The following TENM3 variants were observed in gnomAD, a reference collection of about 807,000 sequenced individuals.
The protein encoded by TENM3 is teneurin transmembrane protein 3.
Under a neutral mutation model 255.1 loss-of-function variants are expected in TENM3, and 63 were observed. The observed-to-expected ratio is 0.25, with a 90% CI of 0.20 to 0.30. The LOEUF is 0.30. Ranked by LOEUF, TENM3 falls within the 10% of genes least tolerant of loss-of-function variation. TENM3 has a pLI of 1.00. For synonymous variants in TENM3, 1,306 were observed against 1,322.3 expected, an observed-to-expected ratio of 0.99 and a Z score of 0.27; for missense variants, 2,929 against 3,461.1, an observed-to-expected ratio of 0.85 and a Z score of 3.86.
the TENM3 span, among the ~76,000 whole-genome samples, chr4:181,751,769 G>A: frequency 5.9e-5 from 9 of 152,208 alleles, no homozygotes; most frequent in African/African-American, 1.2e-4. Context: ...TTTTTTCCAC[G>A]TAAATTAGTT....
chr4:182,109,288 A>G, the TENM3 span, among the ~76,000 whole-genome samples: 18 of 149,140 alleles, frequency 1.2e-4, no homozygotes, highest in African/African-American at 4.4e-4. Flanking sequence ...CATATAGTAT[A>G]ATATATATGC....
chr4:182,689,116 G>A (rs749072375), intron 12 of TENM3, among the ~76,000 whole-genome samples: 2 of 152,156 alleles, frequency 1.3e-5, no homozygotes, highest in Non-Finnish European at 2.9e-5. Context: ...AATTTTAAAA[G>A]TACAACAAAA....
At chr4:182,780,771 C>T (rs556362672) in intron 24 of TENM3, among the ~76,000 whole-genome samples, 6 of 152,124 alleles carry the variant, frequency 3.9e-5, no homozygotes, top group South Asian at 2.1e-4. Context: ...AAGTCCTTCA[C>T]ATCCCTTGTA....
At chr4:181,879,180 C>T in the TENM3 span, among the ~76,000 whole-genome samples, 2 of 152,092 alleles carry the variant, frequency 1.3e-5, no homozygotes, top group Admixed American at 1.3e-4. Flanking sequence ...CAGAAATCAA[C>T]ACTGTCAAGT....
chr4:182,557,493 A>G lies in TENM3; in HGVS notation c.512-43431A>G, dbSNP rs76372749. On this transcript the variant is annotated intron_variant, in intron 3 of 27. Transcript: ENST00000511685. Reference sequence around the variant, plus strand: ...CATTTTAAAAAAGGACAGGGGCCTTATTTGAGCTAACAGATGAGCCCTCAT... The same window carrying G: ...CATTTTAAAAAAGGACAGGGGCCTTGTTTGAGCTAACAGATGAGCCCTCAT... Among the ~76,000 whole-genome samples, 132 of 152,310 alleles carry G rather than the reference A, an allele frequency of 8.7e-4. 2 individuals carry two copies. The East Asian group carries it at 0.02, about 23-fold the overall frequency.
At chr4:182,014,043 CGTATATATACGTGTATATACGTATAT>C in the TENM3 span, among the ~76,000 whole-genome samples, 23 of 39,610 alleles carry the variant, frequency 5.8e-4, no homozygotes, top group African/African-American at 2.3e-3. Flanking sequence ...CACATATATA[CGTATATATACGTGTATATACGTATAT>C]ACACATATAT....
chr4:182,442,879 C>T (rs10033833), intron 3 of TENM3, among the ~76,000 whole-genome samples: 2,110 of 128,412 alleles, frequency 0.016, 44 homozygotes, highest in African/African-American at 0.06. Context: ...CACACACACA[C>T]ATATATATAT....
At chr4:181,842,735 A>G in the TENM3 span, among the ~76,000 whole-genome samples, 1 of 152,214 alleles carries the variant, frequency 6.6e-6, no homozygotes, top group Non-Finnish European at 1.5e-5. Flanking sequence ...GCTTCAAATT[A>G]TCATTTTTGA....
chr4:182,454,795 T>G (rs1773739844), intron 3 of TENM3, among the ~76,000 whole-genome samples: 1 of 152,236 alleles, frequency 6.6e-6, no homozygotes, highest in Non-Finnish European at 1.5e-5. Context: ...GAACAAGTAT[T>G]GTTCAATAAG....
the TENM3 span, among the ~76,000 whole-genome samples, chr4:181,817,018 G>A: frequency 6.6e-6 from 1 of 152,276 alleles, no homozygotes; most frequent in African/African-American, 2.4e-5. Context: ...AGTTGCACGT[G>A]CAAAGTGTAT....
chr4:182,665,249 T>C (rs991516990), intron 6 of TENM3, among the ~76,000 whole-genome samples: 1 of 152,198 alleles, frequency 6.6e-6, no homozygotes, highest in Admixed American at 6.5e-5. Flanking sequence ...CTGTGCTCTA[T>C]AAATGGAACA....
intron 13 of TENM3, among the ~76,000 whole-genome samples, 171 bp downstream of exon 13, chr4:182,714,404 C>T (rs1758998820): frequency 6.6e-6 from 1 of 150,950 alleles, no homozygotes; most frequent in Non-Finnish European, 1.5e-5. Context: ...TTTTGCTCTC[C>T]ATTTTTCCTG....
chr4:182,753,643 A>C, intron 21 of TENM3, 39 bp downstream of exon 21: 1 of 1,601,166 alleles, frequency 6.2e-7, no homozygotes, highest in Non-Finnish European at 8.5e-7. Flanking sequence ...TTTTTCCTCT[A>C]GGTGACTTGA....
At chr4:182,506,793 A>G (rs185849380) in intron 3 of TENM3, among the ~76,000 whole-genome samples, 1 of 152,334 alleles carries the variant, frequency 6.6e-6, no homozygotes, top group African/African-American at 2.4e-5. Flanking sequence ...AAAACCTTCC[A>G]TGGAAGAGCT....
At chr4:182,328,943 C>T (rs764396992) in intron 2 of TENM3, among the ~76,000 whole-genome samples, 9 of 152,286 alleles carry the variant, frequency 5.9e-5, no homozygotes, top group East Asian at 3.9e-4. Context: ...GCATCCTGAG[C>T]GCTAGCCCAT....
At chr4:181,988,955 G>A in the TENM3 span, among the ~76,000 whole-genome samples, 1 of 151,908 alleles carries the variant, frequency 6.6e-6, no homozygotes, top group Admixed American at 6.6e-5. Flanking sequence ...ATTGCCCCAC[G>A]ACCCCACTTA....
the TENM3 span, among the ~76,000 whole-genome samples, chr4:181,724,140 C>T: frequency 2.0e-5 from 3 of 152,188 alleles, no homozygotes; most frequent in African/African-American, 7.2e-5. Context: ...TGCCCTGTGG[C>T]GTTTGATGCT....
At chr4:182,137,711 CTT>C in the TENM3 span, among the ~76,000 whole-genome samples, 1 of 152,132 alleles carries the variant, frequency 6.6e-6, no homozygotes. Context: ...TTGCTTAAAA[CTT>C]TTCTTTTTTC....
the TENM3 span, among the ~76,000 whole-genome samples, chr4:181,640,880 A>C: frequency 1.3e-5 from 2 of 152,210 alleles, no homozygotes; most frequent in Admixed American, 6.5e-5. Context: ...TTCTTTGACT[A>C]GTTTTTGGCC....
Sources: gnomAD v4.1 joint callset for allele counts (sites outside exome capture counted in the v4.1 genomes callset) on GRCh38, gnomAD v4.1.1 for gene constraint, MANE v1.5 for transcripts, NCBI Gene and HGNC (gene_info 2026-07-23, HGNC 2026-07-21) for gene names.